The following PGRMC1 variants were observed in gnomAD, a reference collection of about 807,000 sequenced individuals.
The protein encoded by PGRMC1 is progesterone receptor membrane component 1.
For missense variants in PGRMC1, 145 were observed against 169.0 expected (o/e 0.86, Z 0.79); for synonymous variants, 73 against 77.3 (o/e 0.94, Z 0.29).
chrX:119,243,034 G>A, intron 2 of PGRMC1, 117 bp from the exon 3 acceptor site: 5 of 543,338 alleles, frequency 9.2e-6, no homozygotes, highest in Non-Finnish European at 1.7e-5. Context: ...CCTTCAAGAA[G>A]CCCAACACAT....
Position 119,236,485 on chromosome X carries a change from T to C in PGRMC1, c.122T>C (p.Leu41Pro). 8.3e-7 allele frequency: 1 copy of C among 1,210,715 alleles called. No individual in the cohort carries two copies. Among genetic ancestry groups the C allele is most frequent in the African/African-American group, 1.7e-5 (1 of 57,730 alleles). The stretch of plus-strand genomic sequence containing the variant: ...CTGCTGCTTGGCCTCTGCATCTTCC[T>C]GCTCTACAAGATCGTGCGCGGGGAC... Reference protein sequence around the residue: ...NLLLLGLCIFLLYKIVRGDQP... With the variant: ...NLLLLGLCIFPLYKIVRGDQP... Residue 41 changes from leucine to proline, a missense_variant, in exon 1 of 3, where the codon CTG becomes CCG. Leu to Pro is a moderately conservative substitution (Grantham distance 98). Transcript: ENST00000217971.
At position 119,243,297 on chromosome X, in the gene PGRMC1, C is replaced by T; in HGVS notation, c.*43C>T. 5 of 774,643 alleles carry T rather than the reference C, an allele frequency of 6.5e-6. No homozygotes were observed. The highest frequency in any genetic ancestry group is 1.0e-5 in the Non-Finnish European group (5 of 499,275). 63.8% of individuals were successfully genotyped at this position (774,643 alleles called of 1,213,427 possible). ...TATCTATTTTTGTATTTTGCAAAATCATTTGTAACAGTCCACTCTGTCTTT... is the reference window on the plus strand; with the variant it reads ...TATCTATTTTTGTATTTTGCAAAATTATTTGTAACAGTCCACTCTGTCTTT... On this transcript the variant is annotated 3_prime_UTR_variant, in exon 3 of 3. Transcript: ENST00000217971.
At chrX:119,240,560 G>T (rs1188709756) in intron 2 of PGRMC1, 96 bp downstream of exon 2, 14 of 736,389 alleles carry the variant, frequency 1.9e-5, no homozygotes, top group Non-Finnish European at 2.9e-5. Flanking sequence ...TGAAACTTGG[G>T]TGCATTTTGA....
intron 2 of PGRMC1, among the ~76,000 whole-genome samples, 164 bp downstream of exon 2, chrX:119,240,628 T>C (rs1026025621): frequency 8.9e-6 from 1 of 112,210 alleles, no homozygotes; most frequent in Non-Finnish European, 1.9e-5. Context: ...GTAGCAGTGC[T>C]GAGTCACTTG....
chrX:119,243,024 C>A, intron 2 of PGRMC1, 127 bp from the exon 3 acceptor site: 1 of 530,335 alleles, frequency 1.9e-6, no homozygotes, highest in Non-Finnish European at 3.4e-6. Flanking sequence ...ACCTTTGTAT[C>A]CTTCAAGAAG....
chrX:119,239,329 G>A (rs1930766422), intron 1 of PGRMC1, among the ~76,000 whole-genome samples: 1 of 111,792 alleles, frequency 8.9e-6, no homozygotes, highest in Non-Finnish European at 1.9e-5. Flanking sequence ...TGAGTGTATT[G>A]AGGTTTCAGG....
chrX:119,236,948 G>T (rs1043390793), intron 1 of PGRMC1, among the ~76,000 whole-genome samples: 3 of 112,398 alleles, frequency 2.7e-5, no homozygotes, highest in African/African-American at 9.7e-5. Flanking sequence ...CTGGGAGGGG[G>T]TTAGAGAAAG....
chrX:119,238,741 T>C (rs191028410), intron 1 of PGRMC1, among the ~76,000 whole-genome samples: 7 of 112,239 alleles, frequency 6.2e-5, no homozygotes, highest in African/African-American at 1.9e-4. Context: ...TCTGTCTCTA[T>C]CTTGCACTGT....
intron 1 of PGRMC1, among the ~76,000 whole-genome samples, chrX:119,238,796 T>C (rs919389877): frequency 8.0e-5 from 9 of 112,318 alleles, no homozygotes; most frequent in African/African-American, 2.9e-4. Flanking sequence ...TAGAAAGTGA[T>C]GCTTCATGTT....
chrX:119,239,825 A>G (rs755164657), intron 1 of PGRMC1, among the ~76,000 whole-genome samples: 2 of 112,206 alleles, frequency 1.8e-5, no homozygotes, highest in Admixed American at 1.9e-4. Flanking sequence ...CTTGGAACCA[A>G]AGATCTCTAT....
In PGRMC1 at chrX:119,243,844, A is replaced by G. The variant is rs1482547529; in HGVS notation, c.*590A>G. On this transcript the variant is annotated 3_prime_UTR_variant, in exon 3 of 3. Coordinates refer to ENST00000217971, the MANE Select transcript of PGRMC1 (RefSeq NM_006667.5). ...ACTGCACTGTTGTCCTTGCCCTCACATAGACACTCAGACACCCTCACAAAC... is the reference window on the plus strand; with the variant it reads ...ACTGCACTGTTGTCCTTGCCCTCACGTAGACACTCAGACACCCTCACAAAC... 8.6e-6 allele frequency: 1 copy of G among 115,684 alleles called. No homozygotes were observed. Among genetic ancestry groups the G allele is most frequent in the Non-Finnish European group, 1.8e-5 (1 of 55,434 alleles). 9.5% of individuals were successfully genotyped at this position (115,684 alleles called of 1,213,427 possible). A position where few individuals can be genotyped will look rare whatever the true frequency, so the allele number is the denominator to read the frequency against.
chrX:119,237,359 G>A (rs762101312), intron 1 of PGRMC1, among the ~76,000 whole-genome samples: 29 of 108,941 alleles, frequency 2.7e-4, no homozygotes, highest in African/African-American at 6.8e-4. Flanking sequence ...TTTATCAGGG[G>A]TGTGTGTGTG....
Position 119,236,526 on chromosome X carries a change from G to C in PGRMC1, c.163G>C (p.Gly55Arg). Residue 55 changes from glycine to arginine, a missense_variant, in exon 1 of 3, where the codon GGC (glycine) becomes CGC (arginine). Gly to Arg is a moderately radical substitution (Grantham distance 125). Coordinates refer to ENST00000217971, the MANE Select transcript of PGRMC1 (RefSeq NM_006667.5). The part of the protein sequence containing the change: ...IVRGDQPAAS[G>R]DSDDDEPPPL... ...GCGCGGGGACCAGCCGGCGGCCAGC[G>C]GCGACAGCGACGACGACGAGCCGCC... is the stretch of plus-strand genomic sequence containing the variant. The C allele has an allele frequency of 8.3e-7, 1 of 1,210,209 alleles. No individual in the cohort carries two copies. The highest frequency in any genetic ancestry group is 1.1e-6 in the Non-Finnish European group (1 of 894,884).
chrX:119,236,494 A>G lies in PGRMC1; in HGVS notation c.131A>G (p.Lys44Arg), dbSNP rs1336815047. The change falls in exon 1 of 3, where the codon AAG becomes AGG. Residue 44 changes from lysine to arginine, a missense_variant. Physicochemically the swap from Lys to Arg is conservative, Grantham distance 26. Transcript: ENST00000217971. ...LLGLCIFLLY[K>R]IVRGDQPAAS... is the part of the protein sequence containing the mutation. ...GGCCTCTGCATCTTCCTGCTCTACA[A>G]GATCGTGCGCGGGGACCAGCCGGCG... 8.3e-7 allele frequency: 1 copy of G among 1,210,223 alleles called. No homozygotes were observed. The highest frequency in any genetic ancestry group is 2.2e-5 in the Admixed American group (1 of 46,038).
At chrX:119,240,879 A>C (rs1930802846) in intron 2 of PGRMC1, among the ~76,000 whole-genome samples, 1 of 112,094 alleles carries the variant, frequency 8.9e-6, no homozygotes, top group Non-Finnish European at 1.9e-5. Flanking sequence ...GTATTCTGTG[A>C]AACAGCTTCT....
In PGRMC1 at chrX:119,243,830, G is replaced by T. The variant is rs1205227586; in HGVS notation, c.*576G>T. 8.5e-6 allele frequency: 1 copy of T among 117,093 alleles called. No individual in the cohort carries two copies. Among genetic ancestry groups the T allele is most frequent in the Admixed American group, 8.7e-5 (1 of 11,525 alleles). 9.6% of individuals were successfully genotyped at this position (117,093 alleles called of 1,213,427 possible). A position where few individuals can be genotyped will look rare whatever the true frequency, so the allele number is the denominator to read the frequency against. On this transcript the variant is annotated 3_prime_UTR_variant, in exon 3 of 3. Transcript: ENST00000217971. The stretch of plus-strand genomic sequence containing the variant: ...TTCTGTGTTTCTGGACTGCACTGTT[G>T]TCCTTGCCCTCACATAGACACTCAG...
At chrX:119,242,915 G>A (rs1478877940) in intron 2 of PGRMC1, among the ~76,000 whole-genome samples, 3 of 112,154 alleles carry the variant, frequency 2.7e-5, no homozygotes, top group African/African-American at 6.5e-5. Flanking sequence ...TCATTTTGAC[G>A]TTACCTTGCA....
rs778585877 is a variant in PGRMC1 at position 119,240,371 on chromosome X, G to C, written c.391G>C (p.Asp131His). 7.5e-6 allele frequency: 9 copies of C among 1,207,420 alleles called. No homozygotes were observed. The East Asian group carries it at 2.4e-4, about 32-fold the overall frequency. ...ASRGLATFCLDKEALKDEYDD... is the reference protein window; with the variant it reads ...ASRGLATFCLHKEALKDEYDD... ...CAGGGGCCTTGCCACATTTTGCCTG[G>C]ATAAGGAAGCACTGAAGGATGAGTA... The change falls in exon 2 of 3, where the codon GAT (aspartate) becomes CAT (histidine). Residue 131 changes from aspartate to histidine, a missense_variant. By Grantham distance (81) the Asp-to-His change is moderately conservative (BLOSUM62 -1). Transcript: ENST00000217971.
intron 1 of PGRMC1, 58 bp downstream of exon 1, chrX:119,236,749 G>C (rs932715137): frequency 4.8e-5 from 47 of 987,135 alleles, no homozygotes; most frequent in Non-Finnish European, 5.6e-5. Flanking sequence ...GCACGGGGCT[G>C]GGCGGGAGAG....
Sources: gnomAD v4.1 joint callset for allele counts (sites outside exome capture counted in the v4.1 genomes callset) on GRCh38, gnomAD v4.1.1 for gene constraint, MANE v1.5 for transcripts, NCBI Gene and HGNC (gene_info 2026-07-23, HGNC 2026-07-21) for gene names.